SUMF1: variants seen among roughly 807,000 people sequenced by gnomAD.
The protein encoded by SUMF1 is formylglycine-generating enzyme.
A neutral mutation model predicts 47.6 loss-of-function variants in SUMF1; 48 were observed. That is an observed-to-expected ratio of 1.01 (90% confidence interval 0.80 to 1.28). SUMF1 has a LOEUF of 1.28. Ranked by LOEUF, SUMF1 falls within the 50% of genes most tolerant of loss-of-function variation. The pLI, the probability that SUMF1 is intolerant of heterozygous loss-of-function variation, is 0.00. For missense variants in SUMF1, 571 were observed against 485.4 expected (o/e 1.18, Z -1.66); for synonymous variants, 230 against 192.1 (o/e 1.20, Z -1.63).
chr3:4,289,483 A>G (rs1179194217), intron 8 of SUMF1, among the ~76,000 whole-genome samples: 1 of 152,144 alleles, frequency 6.6e-6, no homozygotes, highest in Non-Finnish European at 1.5e-5. Flanking sequence ...ACATTACTAC[A>G]CTAGCAATTA....
intron 7 of SUMF1, among the ~76,000 whole-genome samples, chr3:4,406,359 A>G (rs1007928616): frequency 1.3e-5 from 2 of 152,168 alleles, no homozygotes; most frequent in Non-Finnish European, 2.9e-5. Context: ...CCAAAATTAG[A>G]GTTCTTTTCC....
intron 8 of SUMF1, among the ~76,000 whole-genome samples, chr3:4,170,795 C>T (rs531361242): frequency 3.9e-5 from 6 of 152,062 alleles, no homozygotes; most frequent in Non-Finnish European, 2.9e-5. Context: ...AACAAAAAAA[C>T]GAACTTTGAT....
intron 7 of SUMF1, among the ~76,000 whole-genome samples, chr3:4,394,283 C>T (rs1447498588): frequency 6.6e-6 from 1 of 152,180 alleles, no homozygotes; most frequent in East Asian, 1.9e-4. Flanking sequence ...AATCCTACCA[C>T]CTCAGCTTCC....
At chr3:4,253,864 TCTGA>T (rs1696873298) in intron 8 of SUMF1, among the ~76,000 whole-genome samples, 1 of 149,762 alleles carries the variant, frequency 6.7e-6, no homozygotes, top group South Asian at 2.2e-4. Context: ...AATGTCCCTG[TCTGA>T]CAGCTTTGAA....
rs3048145 is a variant in SUMF1 at position 4,036,849 on chromosome 3, C to CA, written c.1191+31719dup. On this transcript the variant is annotated intron_variant and NMD_transcript_variant, in intron 9 of 12. Coordinates refer to the SUMF1 transcript ENST00000448413. ...AGCAGATCTGCTGAGGTCAGTGAGG[C>CA]AAAAAAAAAAAAAAAAAAAAAAAAG... 2.0e-3 allele frequency among the ~76,000 whole-genome samples: 149 copies of CA among 75,112 alleles called. 2 individuals carry two copies. Among genetic ancestry groups the CA allele is most frequent in the African/African-American group, 8.0e-3 (137 of 17,232 alleles). The allele number at this position is 75,112 out of a possible 152,430, so 49.3% of individuals were successfully genotyped here. A position where few individuals can be genotyped will look rare whatever the true frequency, so the allele number is the denominator to read the frequency against.
intron 8 of SUMF1, among the ~76,000 whole-genome samples, chr3:4,181,980 G>A (rs950362481): frequency 1.1e-4 from 17 of 152,096 alleles, no homozygotes; most frequent in African/African-American, 4.1e-4. Context: ...TAATGTAAGA[G>A]ACTAAAATAT....
At chr3:4,094,732 G>A (rs1692864287) in intron 8 of SUMF1, among the ~76,000 whole-genome samples, 1 of 152,132 alleles carries the variant, frequency 6.6e-6, no homozygotes, top group African/African-American at 2.4e-5. Flanking sequence ...AGGTTGAACA[G>A]TGGAGTCAAA....
intron 3 of SUMF1, among the ~76,000 whole-genome samples, chr3:4,436,573 G>A (rs1702405359): frequency 1.3e-5 from 2 of 150,844 alleles, no homozygotes; most frequent in Admixed American, 1.3e-4. Flanking sequence ...AAAAAATAAT[G>A]GTTAAGAGTA....
At chr3:4,174,217 A>C (rs528725614) in intron 8 of SUMF1, among the ~76,000 whole-genome samples, 1 of 151,870 alleles carries the variant, frequency 6.6e-6, no homozygotes, top group Non-Finnish European at 1.5e-5. Flanking sequence ...TTAGCCAGGC[A>C]TGGTGGCAGG....
intron 8 of SUMF1, among the ~76,000 whole-genome samples, chr3:4,275,960 C>A (rs36085971): frequency 6.6e-6 from 1 of 152,114 alleles, no homozygotes; most frequent in Non-Finnish European, 1.5e-5. Flanking sequence ...TTTTTAACTC[C>A]TAGAAGGCTA....
At chr3:4,373,213 G>A (rs1419454468) in intron 8 of SUMF1, among the ~76,000 whole-genome samples, 2 of 151,042 alleles carry the variant, frequency 1.3e-5, no homozygotes, top group Non-Finnish European at 3.0e-5. Flanking sequence ...GACAAACAGA[G>A]AACAACAACA....
chr3:4,068,993 A>C (rs1454727396), intron 8 of SUMF1, among the ~76,000 whole-genome samples: 2 of 152,174 alleles, frequency 1.3e-5, no homozygotes, highest in Admixed American at 1.3e-4. Flanking sequence ...AAATAACAAT[A>C]ATAATAACAA....
intron 8 of SUMF1, among the ~76,000 whole-genome samples, chr3:4,232,027 TAGTG>T (rs1696309628): frequency 6.6e-6 from 1 of 152,142 alleles, no homozygotes; most frequent in African/African-American, 2.4e-5. Flanking sequence ...TAACTGAAAC[TAGTG>T]AGTGTCTCAT....
intron 8 of SUMF1, among the ~76,000 whole-genome samples, chr3:4,174,859 A>C (rs970119533): frequency 1.3e-5 from 2 of 152,206 alleles, no homozygotes; most frequent in Non-Finnish European, 2.9e-5. Flanking sequence ...AGGTCTTAGC[A>C]ACCAGCAGAC....
chr3:4,360,219 T>G (rs1393551686), downstream of SUMF1, among the ~76,000 whole-genome samples: 15 of 150,802 alleles, frequency 9.9e-5, no homozygotes, highest in Non-Finnish European at 2.1e-4. Flanking sequence ...TTTTTTTTTT[T>G]TTTTGCCTGG....
At chr3:4,360,352 A>G (rs1699720907), downstream of SUMF1, among the ~76,000 whole-genome samples, 1 of 151,112 alleles carries the variant, frequency 6.6e-6, no homozygotes, top group Non-Finnish European at 1.5e-5. Flanking sequence ...TCCTGAGACA[A>G]AGTCTTGTTC....
At chr3:4,345,641 A>G (rs1699358775) in intron 8 of SUMF1, among the ~76,000 whole-genome samples, 1 of 152,126 alleles carries the variant, frequency 6.6e-6, no homozygotes, top group Admixed American at 6.6e-5. Context: ...GCACAAAATA[A>G]CCACATAGTA....
chr3:4,081,886 A>G (rs1371316335), intron 8 of SUMF1, among the ~76,000 whole-genome samples: 1 of 152,170 alleles, frequency 6.6e-6, no homozygotes, highest in East Asian at 1.9e-4. Flanking sequence ...CATCATACTT[A>G]ATGAATGTTA....
At chr3:4,159,877 C>T (rs1694536759) in intron 8 of SUMF1, among the ~76,000 whole-genome samples, 1 of 152,100 alleles carries the variant, frequency 6.6e-6, no homozygotes, top group Non-Finnish European at 1.5e-5. Context: ...ATATGTCATG[C>T]CATTCTATCC....
Sources: allele counts gnomAD v4.1 joint callset (sites outside exome capture counted in the v4.1 genomes callset), GRCh38; gene constraint gnomAD v4.1.1; transcripts MANE v1.5; gene names NCBI Gene and HGNC (gene_info 2026-07-23, HGNC 2026-07-21).